The following IFT80 variants were observed in gnomAD, a reference collection of about 807,000 sequenced individuals.
IFT80 encodes intraflagellar transport 80.
In IFT80, 79 loss-of-function variants were observed where a neutral mutation model predicts 107.9. The ratio of observed to expected loss-of-function variants is 0.73; its 90% CI spans 0.61 to 0.88. The LOEUF (loss-of-function observed/expected upper bound fraction) is 0.88. Among genes scored for constraint, IFT80 ranks in the 40% least tolerant of loss-of-function variants. The probability of loss-of-function intolerance (pLI) is 0.00; values close to 1 mark genes in which losing one functional copy is unlikely to be tolerated. For synonymous variants in IFT80, 299 were observed against 300.9 expected (o/e 0.99, Z 0.07); for missense variants, 797 against 914.2 (o/e 0.87, Z 1.65).
chr3:160,261,733 T>C (rs1325417203), intron 19 of IFT80, among the ~76,000 whole-genome samples: 1 of 149,946 alleles, frequency 6.7e-6, no homozygotes, highest in African/African-American at 2.5e-5. Flanking sequence ...TCTGGCTATG[T>C]TGAGGCCACA....
intron 8 of IFT80, among the ~76,000 whole-genome samples, chr3:160,339,736 G>A (rs1461821574): frequency 6.6e-6 from 1 of 152,152 alleles, no homozygotes; most frequent in East Asian, 1.9e-4. Flanking sequence ...AAGTTTACAG[G>A]ACACAAAAGT....
At chr3:160,376,672 G>A (rs535143363) in intron 4 of IFT80, among the ~76,000 whole-genome samples, 1 of 152,240 alleles carries the variant, frequency 6.6e-6, no homozygotes, top group Admixed American at 6.5e-5. Flanking sequence ...ATATCTGAGG[G>A]TACACTACAA....
chr3:160,380,386 G>A (rs975934886), intron 3 of IFT80, among the ~76,000 whole-genome samples: 2 of 152,006 alleles, frequency 1.3e-5, no homozygotes, highest in African/African-American at 4.8e-5. Context: ...CTGCCTGCAC[G>A]AGATACTGAG....
At chr3:160,322,307 T>C (rs1262101224) in intron 8 of IFT80, among the ~76,000 whole-genome samples, 6 of 151,438 alleles carry the variant, frequency 4.0e-5, no homozygotes, top group Non-Finnish European at 7.4e-5. Context: ...GTCCTTGCAA[T>C]AGTTTACTGA....
At chr3:160,320,043 T>G in intron 8 of IFT80, 104 bp from the exon 9 acceptor site, 1 of 757,336 alleles carries the variant, frequency 1.3e-6, no homozygotes, top group Non-Finnish European at 2.2e-6. Context: ...TTTAAAAGAA[T>G]GTCTATTCTG....
At chr3:160,311,707 G>C (rs561389342) in intron 9 of IFT80, among the ~76,000 whole-genome samples, 1 of 152,144 alleles carries the variant, frequency 6.6e-6, no homozygotes, top group Admixed American at 6.5e-5. Flanking sequence ...GATATGCAGC[G>C]CATCAAAGAA....
At chr3:160,337,296 A>C (rs997844127) in intron 8 of IFT80, among the ~76,000 whole-genome samples, 6 of 152,166 alleles carry the variant, frequency 3.9e-5, no homozygotes, top group African/African-American at 1.2e-4. Flanking sequence ...GAGTTCTTAC[A>C]TGTTTATAAT....
At chr3:160,285,939 T>C (rs1475441119) in intron 12 of IFT80, 71 bp from the exon 13 acceptor site, 8 of 1,016,750 alleles carry the variant, frequency 7.9e-6, no homozygotes, top group Non-Finnish European at 1.2e-5. Flanking sequence ...AGTGAAACTA[T>C]TATAATCCTT....
At chr3:160,304,616 T>C (rs564539094) in intron 10 of IFT80, among the ~76,000 whole-genome samples, 2 of 151,992 alleles carry the variant, frequency 1.3e-5, no homozygotes, top group East Asian at 3.9e-4. Flanking sequence ...TTTGTATTTT[T>C]AGTAGAGGCA....
intron 8 of IFT80, among the ~76,000 whole-genome samples, chr3:160,347,844 G>A (rs1250598253): frequency 1.3e-5 from 2 of 152,102 alleles, no homozygotes; most frequent in African/African-American, 4.8e-5. Flanking sequence ...TATTAATACT[G>A]TGATGAAAAC....
intron 8 of IFT80, among the ~76,000 whole-genome samples, chr3:160,336,060 G>A (rs1347492086): frequency 2.0e-5 from 3 of 152,120 alleles, no homozygotes; most frequent in Non-Finnish European, 2.9e-5. Context: ...ACTAGGCAGT[G>A]GATGGACACT....
intron 9 of IFT80, among the ~76,000 whole-genome samples, chr3:160,317,309 G>A (rs1440841311): frequency 6.6e-6 from 1 of 151,888 alleles, no homozygotes; most frequent in African/African-American, 2.4e-5. Context: ...TAAAAATAAT[G>A]TTCTAGTTTA....
intron 15 of IFT80, among the ~76,000 whole-genome samples, chr3:160,280,453 A>G (rs549967873): frequency 1.3e-4 from 20 of 152,314 alleles, no homozygotes; most frequent in African/African-American, 4.1e-4. Context: ...AATTATATTC[A>G]TATAAGGGAC....
intron 12 of IFT80, among the ~76,000 whole-genome samples, chr3:160,295,785 G>A (rs567812348): frequency 1.3e-5 from 2 of 152,242 alleles, no homozygotes; most frequent in East Asian, 3.9e-4. Flanking sequence ...AGAAAATGTG[G>A]TGTATATGTA....
At chr3:160,321,928 G>C (rs1410050872) in intron 8 of IFT80, among the ~76,000 whole-genome samples, 1 of 151,802 alleles carries the variant, frequency 6.6e-6, no homozygotes, top group Non-Finnish European at 1.5e-5. Context: ...GAAGTATCAA[G>C]TTAGGCCAGC....
At chr3:160,347,880 T>C (rs1720408976) in intron 8 of IFT80, among the ~76,000 whole-genome samples, 1 of 152,218 alleles carries the variant, frequency 6.6e-6, no homozygotes, top group Non-Finnish European at 1.5e-5. Context: ...TTTGTGTACT[T>C]ACACAATGAT....
chr3:160,260,076 T>A (rs543663602), intron 19 of IFT80, among the ~76,000 whole-genome samples: 15 of 152,340 alleles, frequency 9.8e-5, no homozygotes, highest in African/African-American at 3.1e-4. Flanking sequence ...GTATTTTTTT[T>A]AATTCCAATA....
In IFT80 at chr3:160,386,346, T is replaced by A. The variant is rs751726544; in HGVS notation, c.-46-1700A>T. On this transcript the variant is annotated intron_variant, in intron 1 of 19. Coordinates refer to ENST00000326448, the MANE Select transcript of IFT80 (RefSeq NM_020800.3). ...TAGCCAATTTGGGGAAGTGCAGAGC[T>A]GCCTGAACGCTGCATTGAGGTGTTT... Among the ~76,000 whole-genome samples, 41 of 152,218 alleles carry A rather than the reference T, an allele frequency of 2.7e-4. 1 individual carries two copies. Among genetic ancestry groups the A allele is most frequent in the Non-Finnish European group, 7.3e-5 (5 of 68,040 alleles).
intron 8 of IFT80, among the ~76,000 whole-genome samples, chr3:160,327,274 C>T (rs779226868): frequency 1.3e-5 from 2 of 152,100 alleles, no homozygotes; most frequent in African/African-American, 2.4e-5. Flanking sequence ...ACATTAAATG[C>T]TATTCCCATT....
Sources: gnomAD v4.1 joint callset for allele counts (sites outside exome capture counted in the v4.1 genomes callset) on GRCh38, gnomAD v4.1.1 for gene constraint, MANE v1.5 for transcripts, NCBI Gene and HGNC (gene_info 2026-07-23, HGNC 2026-07-21) for gene names.